The following RELN variants were observed in gnomAD, a reference collection of about 807,000 sequenced individuals.
The protein encoded by RELN is reelin.
RELN carries 108 observed loss-of-function variants against 427.6 expected under a neutral mutation model. The ratio of observed to expected loss-of-function variants is 0.25; its 90% CI spans 0.22 to 0.30. RELN has a LOEUF of 0.30. RELN is among the 10% of genes least tolerant of loss of function. The pLI, the probability that RELN is intolerant of heterozygous loss-of-function variation, is 1.00. For synonymous variants in RELN, 1,524 were observed against 1,513.4 expected (o/e 1.01, Z -0.16); for missense variants, 3,715 against 4,302.8 (o/e 0.86, Z 3.82).
chr7:103,869,379 G>C (rs182107565), intron 2 of RELN, among the ~76,000 whole-genome samples: 213 of 151,934 alleles, frequency 1.4e-3, no homozygotes, highest in African/African-American at 4.9e-3. Context: ...TATAGATCTA[G>C]AATTTCACCT....
At chr7:103,838,372 G>A (rs890361541) in intron 2 of RELN, among the ~76,000 whole-genome samples, 6 of 152,044 alleles carry the variant, frequency 3.9e-5, no homozygotes, top group Non-Finnish European at 8.8e-5. Context: ...AAGTTGTTCA[G>A]AATAGGTCAT....
Position 103,472,685 on chromosome 7 carries a change from G to C in RELN, c.*127C>G, listed in dbSNP as rs1400637420. On this transcript the variant is annotated 3_prime_UTR_variant, in exon 65 of 65. Transcript: ENST00000428762. ...GAAAGTGGTGTACACTCGGTCTTGA[G>C]AAGGGCTTTCAGGTAATCACCAAGT... is the stretch of plus-strand genomic sequence containing the variant. The C allele has an allele frequency of 1.3e-6, 1 of 767,144 alleles. No individual in the cohort carries two copies. Among genetic ancestry groups the C allele is most frequent in the East Asian group, 2.7e-5 (1 of 37,168 alleles). The allele number at this position is 767,144 out of a possible 1,614,324, so 47.5% of individuals were successfully genotyped here.
chr7:103,735,975 A>G (rs1790482462), intron 6 of RELN, among the ~76,000 whole-genome samples: 1 of 152,236 alleles, frequency 6.6e-6, no homozygotes, highest in Non-Finnish European at 1.5e-5. Flanking sequence ...CGAAAAAGGA[A>G]AAGAAAAGTT....
intron 3 of RELN, among the ~76,000 whole-genome samples, chr7:103,802,772 T>C (rs188301891): frequency 4.2e-4 from 64 of 152,178 alleles, no homozygotes; most frequent in African/African-American, 1.4e-3. Context: ...ATCTGAAATA[T>C]CCAAGAAGGG....
chr7:103,842,704 GA>G (rs1394374174), intron 2 of RELN, among the ~76,000 whole-genome samples: 1 of 152,094 alleles, frequency 6.6e-6, no homozygotes, highest in African/African-American at 2.4e-5. Context: ...TTAAGTTTAA[GA>G]AGCCAAAAAG....
intron 19 of RELN, among the ~76,000 whole-genome samples, chr7:103,630,401 C>T (rs1832426310): frequency 6.6e-6 from 1 of 152,084 alleles, no homozygotes; most frequent in African/African-American, 2.4e-5. Context: ...TGAAAAAGCT[C>T]TCAATAAACA....
In RELN at chr7:103,513,868, A is replaced by G. The variant is rs114858297; in HGVS notation, c.8119+1317T>C. ...GCTAAAAAAAGTTCTTTAAGAATATATGCCAAAATATTGACAATGGTTATC... is the reference window on the plus strand; with the variant it reads ...GCTAAAAAAAGTTCTTTAAGAATATGTGCCAAAATATTGACAATGGTTATC... On this transcript the variant is annotated intron_variant, in intron 50 of 64. Coordinates refer to ENST00000428762, the MANE Select transcript of RELN (RefSeq NM_005045.4). The G allele has an allele frequency of 2.5e-3, 386 of 152,054 alleles. 2 individuals are homozygous for G. The highest frequency in any genetic ancestry group is 9.0e-3 in the African/African-American group (371 of 41,344). The allele number at this position is 152,054 out of a possible 1,614,324, so 9.4% of individuals were successfully genotyped here.
At chr7:103,803,637 G>A (rs1204914142) in intron 3 of RELN, among the ~76,000 whole-genome samples, 1 of 152,106 alleles carries the variant, frequency 6.6e-6, no homozygotes, top group East Asian at 1.9e-4. Context: ...GTTGCTTAGA[G>A]ATTGAAATTA....
At chr7:103,845,447 C>T (rs1363408343) in intron 2 of RELN, among the ~76,000 whole-genome samples, 1 of 152,194 alleles carries the variant, frequency 6.6e-6, no homozygotes, top group Non-Finnish European at 1.5e-5. Context: ...TCCCAAAGTG[C>T]TGGGATTACA....
chr7:103,742,550 C>G (rs1312001003), intron 6 of RELN, among the ~76,000 whole-genome samples: 1 of 152,030 alleles, frequency 6.6e-6, no homozygotes, highest in Non-Finnish European at 1.5e-5. Context: ...ACTAGAATAA[C>G]CAATGCAGAG....
At chr7:103,586,040 A>C (rs1266226207) in intron 28 of RELN, among the ~76,000 whole-genome samples, 1 of 152,162 alleles carries the variant, frequency 6.6e-6, no homozygotes, top group Non-Finnish European at 1.5e-5. Context: ...AACCCTCAAC[A>C]ATCTGGGCAT....
intron 44 of RELN, chr7:103,539,599 A>G (rs554499736): frequency 2.6e-5 from 12 of 470,174 alleles, no homozygotes; most frequent in Non-Finnish European, 3.1e-5. Flanking sequence ...AACGACATGT[A>G]CCCAAGCTGG....
intron 1 of RELN, among the ~76,000 whole-genome samples, chr7:103,946,311 A>C (rs1796219550): frequency 6.6e-6 from 1 of 152,226 alleles, no homozygotes; most frequent in South Asian, 2.1e-4. Context: ...CAACTTTTTA[A>C]GATAACTATG....
rs1001466970 is a variant in RELN, at chr7:103,569,841, T to C, written c.4588+2343A>G. Among the ~76,000 whole-genome samples, 1 of 152,236 alleles carries C rather than the reference T, an allele frequency of 6.6e-6. No individual in the cohort carries two copies. Among genetic ancestry groups the C allele is most frequent in the African/African-American group, 2.4e-5 (1 of 41,462 alleles). ...GTACATCTGAATGAACCAGGCCCTT[T>C]AACTCATCTACCAAGTGTTTAAGGC... is the stretch of plus-strand genomic sequence containing the variant. On this transcript the variant is annotated intron_variant, in intron 31 of 64. Coordinates refer to ENST00000428762, the MANE Select transcript of RELN (RefSeq NM_005045.4). This position sits in a 1 kb window ranked among gnomAD's most constrained non-coding sequence, Gnocchi z 4.0.
chr7:103,757,075 G>A lies in RELN; in HGVS notation c.545-3861C>T, dbSNP rs990333668. On this transcript the variant is annotated intron_variant, in intron 4 of 64. Transcript: ENST00000428762. ...AATGCACCACGGAAAAATTAAAGTA[G>A]CCTGAGGAAGAATGATATAGTTCAA... is the stretch of plus-strand genomic sequence containing the variant. Among the ~76,000 whole-genome samples, 4 of 152,124 alleles carry A rather than the reference G, an allele frequency of 2.6e-5. 1 individual carries two copies. Among genetic ancestry groups the A allele is most frequent in the Non-Finnish European group, 5.9e-5 (4 of 68,024 alleles).
intron 4 of RELN, among the ~76,000 whole-genome samples, chr7:103,765,527 G>T (rs1201592958): frequency 2.6e-5 from 4 of 152,106 alleles, no homozygotes; most frequent in Admixed American, 2.0e-4. Context: ...TATATTAATT[G>T]TTACATGAAA....
At chr7:103,601,540 T>A (rs967419452) in intron 24 of RELN, among the ~76,000 whole-genome samples, 2 of 152,206 alleles carry the variant, frequency 1.3e-5, no homozygotes, top group Non-Finnish European at 2.9e-5. Flanking sequence ...ACGTGTTACA[T>A]GCTGTAAAGT....
intron 4 of RELN, among the ~76,000 whole-genome samples, chr7:103,763,877 T>C (rs1430730585): frequency 1.3e-5 from 2 of 151,846 alleles, no homozygotes; most frequent in Non-Finnish European, 2.9e-5. Context: ...TTTTGATCAA[T>C]GTGTGAAAGG....
chr7:103,746,259 A>G (rs1790828110), intron 6 of RELN, among the ~76,000 whole-genome samples: 1 of 152,228 alleles, frequency 6.6e-6, no homozygotes, highest in Admixed American at 6.5e-5. Flanking sequence ...CTTATGCAAA[A>G]ATTAATTCAA....
Sources: gnomAD v4.1 joint callset for allele counts (sites outside exome capture counted in the v4.1 genomes callset) on GRCh38, gnomAD v4.1.1 for gene constraint, Gnocchi (gnomAD v3.1) non-coding constraint, MANE v1.5 for transcripts, NCBI Gene and HGNC (gene_info 2026-07-23, HGNC 2026-07-21) for gene names.